TGFB3: variants seen among roughly 807,000 people sequenced by gnomAD.
The protein encoded by TGFB3 is transforming growth factor beta-3 proprotein.
In TGFB3, 5 loss-of-function variants were observed where a neutral mutation model predicts 40.1. The ratio of observed to expected loss-of-function variants is 0.12; its 90% CI spans 0.07 to 0.26. TGFB3 has a LOEUF of 0.26. TGFB3 is among the 10% of genes least tolerant of loss of function. The probability of loss-of-function intolerance (pLI) is 1.00; values close to 1 mark genes in which losing one functional copy is unlikely to be tolerated. For synonymous variants in TGFB3, 184 were observed against 205.6 expected, an observed-to-expected ratio of 0.89 and a Z score of 0.90; for missense variants, 373 against 530.1, an observed-to-expected ratio of 0.70 and a Z score of 2.91.
intron 3 of TGFB3, chr14:75,966,077 T>C (rs1234195607): frequency 2.4e-5 from 8 of 334,302 alleles, no homozygotes; most frequent in Non-Finnish European, 4.6e-5. Context: ...TACATGGTTT[T>C]TGGGAGAGGG....
chr14:75,982,631 T>G (rs1191009978), upstream of TGFB3, among the ~76,000 whole-genome samples: 1 of 136,820 alleles, frequency 7.3e-6, no homozygotes, highest in Non-Finnish European at 1.5e-5. This position sits in a 1 kb window ranked among gnomAD's most constrained non-coding sequence, Gnocchi z 4.0. Context: ...AGGCCGCCAG[T>G]GAAGGAGCTC....
chr14:75,958,735 A>G lies in TGFB3; in HGVS notation c.*452T>C, dbSNP rs1353398729. On this transcript the variant is annotated 3_prime_UTR_variant, in exon 7 of 7. Coordinates refer to ENST00000238682, the MANE Select transcript of TGFB3 (RefSeq NM_003239.5). Reference sequence around the variant, plus strand: ...AAAAAAAAAAATGCTTGCCTTGTATAACATAATCCAGATTCCCTAGAGCAG... The same window carrying G: ...AAAAAAAAAAATGCTTGCCTTGTATGACATAATCCAGATTCCCTAGAGCAG... 3.6e-5 allele frequency: 8 copies of G among 224,312 alleles called. No homozygotes were observed. In the East Asian group the frequency reaches 8.5e-4, roughly 24 times the overall value. 13.9% of individuals were successfully genotyped at this position (224,312 alleles called of 1,614,324 possible). A position where few individuals can be genotyped will look rare whatever the true frequency, so the allele number is the denominator to read the frequency against.
chr14:75,982,542 C>T (rs1330555826), upstream of TGFB3, among the ~76,000 whole-genome samples: 1 of 152,202 alleles, frequency 6.6e-6, no homozygotes, highest in East Asian at 1.9e-4. The surrounding 1 kb of genome is among the most constrained non-coding windows in gnomAD (Gnocchi z 4.0). Flanking sequence ...GGGAGGCGGG[C>T]AGAAGCCTGG....
In TGFB3 at chr14:75,971,151, A is replaced by G. The variant is rs1393034691; in HGVS notation, c.621T>C (p.Thr207=). ...CTCTTCTCAACAGCCACTCACGCACAGTGTCAGTGACATCAAAGGACAGCC... is the reference window on the plus strand; with the variant it reads ...CTCTTCTCAACAGCCACTCACGCACGGTGTCAGTGACATCAAAGGACAGCC... The part of the protein sequence containing the change: ...AEWLSFDVTD[T]VREWLLRRES... The change falls in exon 3 of 7, where the codon ACT becomes ACC. Residue 207 remains threonine, a synonymous_variant. Coordinates refer to ENST00000238682, the MANE Select transcript of TGFB3 (RefSeq NM_003239.5). This position sits in a 1 kb window ranked among gnomAD's most constrained non-coding sequence, Gnocchi z 4.5. The G allele has an allele frequency of 6.2e-7, 1 of 1,614,132 alleles. No homozygotes were observed. The highest frequency in any genetic ancestry group is 2.2e-5 in the East Asian group (1 of 44,876).
At chr14:75,961,442 C>A (rs1180638036) in intron 5 of TGFB3, among the ~76,000 whole-genome samples, 2 of 152,198 alleles carry the variant, frequency 1.3e-5, no homozygotes, top group Non-Finnish European at 2.9e-5. Flanking sequence ...TATTTTTACC[C>A]TCCTAATGTG....
chr14:75,962,895 C>T lies in TGFB3; in HGVS notation c.926+421G>A, dbSNP rs1248540281. ...TGGAGACCATTCTATTTGCCTCCAT[C>T]CAGTAGCATCCTTGGACCCTTCATA... On this transcript the variant is annotated intron_variant, in intron 5 of 6. Coordinates refer to ENST00000238682, the MANE Select transcript of TGFB3 (RefSeq NM_003239.5). Among the ~76,000 whole-genome samples, 8 of 152,312 alleles carry T rather than the reference C, an allele frequency of 5.3e-5. No homozygotes were observed. The East Asian group carries it at 1.5e-3, about 29-fold the overall frequency.
At chr14:75,976,019 C>T (rs3917165) in intron 1 of TGFB3, among the ~76,000 whole-genome samples, 7,603 of 152,228 alleles carry the variant, frequency 0.05, 238 homozygotes, top group South Asian at 0.082. Flanking sequence ...TTTTGTTTAA[C>T]GGGGCAAAAC....
rs889627190 is a variant in TGFB3, at chr14:75,979,692, C to T, written c.352+850G>A. Among the ~76,000 whole-genome samples the T allele has an allele frequency of 6.7e-6, 1 of 150,228 alleles. No individual in the cohort carries two copies. The highest frequency in any genetic ancestry group is 1.5e-5 in the Non-Finnish European group (1 of 67,538). ...CCTCCTGGGACGGCAGGCTCCCAGA[C>T]ATATCCCCCCCCCCCACCATGCACC... On this transcript the variant is annotated intron_variant, in intron 1 of 6. Transcript: ENST00000238682. The surrounding 1 kb of genome is among the most constrained non-coding windows in gnomAD (Gnocchi z 4.8).
At position 75,980,603 on chromosome 14, in the gene TGFB3, C is replaced by A. The variant is rs1286432002; in HGVS notation, c.291G>T (p.Glu97Asp). ...GGATTTCTTTGGCATAGTATTCCGA[C>A]TCGGTGTTTTCCTGGGTGCAGCCTT... ...REEGCTQENT[E>D]SEYYAKEIHK... is the part of the protein sequence containing the mutation. The change falls in exon 1 of 7, where the codon GAG becomes GAT. Residue 97 changes from glutamate (E) to aspartate (D), a missense_variant. Physicochemically the swap from Glu to Asp is conservative, Grantham distance 45. Transcript: ENST00000238682. This position sits in a 1 kb window ranked among gnomAD's most constrained non-coding sequence, Gnocchi z 4.3. 1.9e-6 allele frequency: 3 copies of A among 1,614,226 alleles called. No individual in the cohort carries two copies. The South Asian group carries it at 3.3e-5, about 18-fold the overall frequency.
At chr14:75,969,998 T>C (rs559233011) in intron 3 of TGFB3, among the ~76,000 whole-genome samples, 1 of 152,310 alleles carries the variant, frequency 6.6e-6, no homozygotes, top group East Asian at 1.9e-4. Flanking sequence ...CTTGACCTCC[T>C]GGAAACTAGA....
chr14:75,973,308 A>G (rs2035315734), intron 1 of TGFB3, among the ~76,000 whole-genome samples: 1 of 152,238 alleles, frequency 6.6e-6, no homozygotes. Context: ...GATCTTCAGG[A>G]AAGGATGAGT....
intron 3 of TGFB3, chr14:75,970,717 A>G (rs1023471742): frequency 3.3e-6 from 1 of 306,360 alleles, no homozygotes; most frequent in African/African-American, 2.2e-5. Context: ...TGCTGCTGCT[A>G]GAACAAATCA....
chr14:75,968,023 C>T (rs2035241989), intron 3 of TGFB3, among the ~76,000 whole-genome samples: 4 of 152,192 alleles, frequency 2.6e-5, no homozygotes. Flanking sequence ...CCTGGCCCTG[C>T]CTAGCTAGGT....
Position 75,971,276 on chromosome 14 carries a change from T to C in TGFB3, c.517-21A>G, listed in dbSNP as rs368468129. ...AGGATCTACAGGGCAGAGAAAGGAGTGAGTACCCGAGACCAGGACAGAGTG... is the reference window on the plus strand; with the variant it reads ...AGGATCTACAGGGCAGAGAAAGGAGCGAGTACCCGAGACCAGGACAGAGTG... On this transcript the variant is annotated intron_variant, in intron 2 of 6. Coordinates refer to ENST00000238682, the MANE Select transcript of TGFB3 (RefSeq NM_003239.5). This position sits in a 1 kb window ranked among gnomAD's most constrained non-coding sequence, Gnocchi z 4.5. The C allele has an allele frequency of 5.6e-6, 9 of 1,613,464 alleles. No individual in the cohort carries two copies. Among genetic ancestry groups the C allele is most frequent in the Non-Finnish European group, 7.6e-6 (9 of 1,179,888 alleles).
chr14:75,969,574 A>G (rs1330752263), intron 3 of TGFB3, among the ~76,000 whole-genome samples: 1 of 152,168 alleles, frequency 6.6e-6, no homozygotes. Flanking sequence ...GATCCTTAAA[A>G]CAGCTCTGTG....
At chr14:75,975,827 T>C (rs1196055394) in intron 1 of TGFB3, among the ~76,000 whole-genome samples, 1 of 152,164 alleles carries the variant, frequency 6.6e-6, no homozygotes, top group African/African-American at 2.4e-5. Flanking sequence ...GGGCCTAGAG[T>C]GTCAACCTAT....
At chr14:75,968,506 A>T (rs182956437) in intron 3 of TGFB3, among the ~76,000 whole-genome samples, 175 of 152,342 alleles carry the variant, frequency 1.1e-3, no homozygotes, top group African/African-American at 4.0e-3. Flanking sequence ...TGAGTTCTGC[A>T]GCTGTGAAAA....
chr14:75,970,544 G>C (rs2035276248), intron 3 of TGFB3: 1 of 148,168 alleles, frequency 6.7e-6, no homozygotes, highest in Admixed American at 6.8e-5. Flanking sequence ...AGGCAACAGA[G>C]CGAGACTCAG....
intron 1 of TGFB3, among the ~76,000 whole-genome samples, chr14:75,977,592 T>A (rs1044827188): frequency 6.6e-6 from 1 of 151,040 alleles, no homozygotes; most frequent in African/African-American, 2.4e-5. Context: ...AGACTCTTCA[T>A]TAAATAAAGA....
Sources: allele counts gnomAD v4.1 joint callset (sites outside exome capture counted in the v4.1 genomes callset), GRCh38; gene constraint gnomAD v4.1.1; non-coding constraint Gnocchi (gnomAD v3.1); transcripts MANE v1.5; gene names NCBI Gene and HGNC (gene_info 2026-07-23, HGNC 2026-07-21).